The following MACF1 variants were observed in gnomAD, a reference collection of about 807,000 sequenced individuals.
The protein encoded by MACF1 is microtubule-actin cross-linking factor 1.
A neutral mutation model predicts 854.8 loss-of-function variants in MACF1; 193 were observed. The ratio of observed to expected loss-of-function variants is 0.23; its 90% CI spans 0.20 to 0.25. The LOEUF (loss-of-function observed/expected upper bound fraction) is 0.25, where lower values mean the gene tolerates loss of function less well. Among genes scored for constraint, MACF1 ranks in the 10% least tolerant of loss-of-function variants. MACF1 has a pLI of 1.00. For missense variants in MACF1, 7,722 were observed against 8,929.1 expected (o/e 0.86, Z 5.45); for synonymous variants, 3,185 against 3,226.7 (o/e 0.99, Z 0.44).
chr1:39,479,702 A>C lies in MACF1; in HGVS notation c.21959-96A>C. The C allele has an allele frequency of 4.0e-6, 4 of 995,620 alleles. No homozygotes were observed. In the South Asian group the frequency reaches 5.9e-5, roughly 15 times the overall value. The allele number at this position is 995,620 out of a possible 1,614,324, so 61.7% of individuals were successfully genotyped here. ...AGATGGTACTAAACCCATATAACTT[A>C]TATAACTGTTATCATGGGGTCAAGC... On this transcript the variant is annotated intron_variant, in intron 97 of 100. Coordinates refer to ENST00000564288, the MANE Select transcript of MACF1 (RefSeq NM_001394062.1).
At chr1:39,095,874 C>CAA (rs367925397) in intron 2 of MACF1, among the ~76,000 whole-genome samples, 1 of 140,066 alleles carries the variant, frequency 7.1e-6, no homozygotes, top group Non-Finnish European at 1.6e-5. Context: ...ATGGCTGTCT[C>CAA]AAAAAAAAAA....
intron 42 of MACF1, among the ~76,000 whole-genome samples, chr1:39,350,124 CAG>C (rs764223761): frequency 2.0e-5 from 3 of 152,136 alleles, no homozygotes; most frequent in Non-Finnish European, 2.9e-5. Context: ...GAACATATAG[CAG>C]AGAGACCCAA....
chr1:39,233,283 C>T (rs1204481743), intron 2 of MACF1, among the ~76,000 whole-genome samples: 1 of 152,214 alleles, frequency 6.6e-6, no homozygotes, highest in Non-Finnish European at 1.5e-5. Context: ...ATCCACCCAC[C>T]TAAGTCTCCC....
chr1:39,279,912 G>A (rs1005993084), intron 6 of MACF1, among the ~76,000 whole-genome samples: 14 of 151,918 alleles, frequency 9.2e-5, no homozygotes, highest in South Asian at 6.3e-4. Flanking sequence ...GTCATTACTC[G>A]AAGTCTGAAA....
At position 39,448,589 on chromosome 1, in the gene MACF1, C is replaced by T; in HGVS notation, c.20089-5C>T. On this transcript the variant is annotated splice_region_variant and splice_polypyrimidine_tract_variant and intron_variant, in intron 83 of 100. Coordinates refer to ENST00000564288, the MANE Select transcript of MACF1 (RefSeq NM_001394062.1). Reference sequence around the variant, plus strand: ...CACTTTTTTCTTTTCTTTCTGGAAACATAGGAGTTTCAGAAGACTCTTGGT... The same window carrying T: ...CACTTTTTTCTTTTCTTTCTGGAAATATAGGAGTTTCAGAAGACTCTTGGT... 1 of 1,504,656 alleles carries T rather than the reference C, an allele frequency of 6.6e-7. No individual in the cohort carries two copies. Among genetic ancestry groups the T allele is most frequent in the Non-Finnish European group, 8.9e-7 (1 of 1,122,730 alleles). 93.2% of individuals were successfully genotyped at this position (1,504,656 alleles called of 1,614,324 possible). A position where few individuals can be genotyped will look rare whatever the true frequency, so the allele number is the denominator to read the frequency against.
chr1:39,458,503 C>T lies in MACF1; in HGVS notation c.21196+13C>T, dbSNP rs765364312. 6.2e-7 allele frequency: 1 copy of T among 1,609,914 alleles called. No individual in the cohort carries two copies. The highest frequency in any genetic ancestry group is 1.1e-5 in the South Asian group (1 of 90,642). On this transcript the variant is annotated intron_variant, in intron 90 of 100. Coordinates refer to ENST00000564288, the MANE Select transcript of MACF1 (RefSeq NM_001394062.1). ...CGCAGCGGAGGCAGTATGTTTCCAG[C>T]CCCCTGTGTTAGGATGCTTCATTCC...
intron 3 of MACF1, among the ~76,000 whole-genome samples, chr1:39,251,337 C>G (rs1645038578): frequency 6.6e-6 from 1 of 152,098 alleles, no homozygotes. Context: ...TTGTGCTGGA[C>G]TTTATTCTTC....
chr1:39,368,776 A>G lies in MACF1; in HGVS notation c.12938+462A>G, dbSNP rs1477251905. 1.1e-4 allele frequency among the ~76,000 whole-genome samples: 17 copies of G among 152,292 alleles called. No individual in the cohort carries two copies. In the East Asian group the frequency reaches 3.3e-3, roughly 29 times the overall value. ...CTCCGCCTCCCAAAGTGCTGGGATT[A>G]CAGGCATGAGCCACTGCACCCAGCC... On this transcript the variant is annotated intron_variant, in intron 50 of 100. Transcript: ENST00000564288.
intron 97 of MACF1, among the ~76,000 whole-genome samples, chr1:39,475,390 G>A (rs535061573): frequency 6.6e-6 from 1 of 151,140 alleles, no homozygotes; most frequent in East Asian, 1.9e-4. Context: ...GATCACTTGA[G>A]CCTGGGAGGT....
At chr1:39,127,754 T>C (rs1642895575) in intron 2 of MACF1, among the ~76,000 whole-genome samples, 1 of 152,170 alleles carries the variant, frequency 6.6e-6, no homozygotes, top group South Asian at 2.1e-4. Context: ...ATTGTTTTCA[T>C]TGGGAAAGAG....
At chr1:39,144,150 G>A (rs1643411819) in intron 2 of MACF1, among the ~76,000 whole-genome samples, 1 of 143,430 alleles carries the variant, frequency 7.0e-6, no homozygotes, top group African/African-American at 2.6e-5. Flanking sequence ...GCACGATCTC[G>A]GCTCACTGCA....
At chr1:39,239,417 C>T (rs1451141029) in intron 2 of MACF1, among the ~76,000 whole-genome samples, 3 of 152,180 alleles carry the variant, frequency 2.0e-5, no homozygotes, top group Non-Finnish European at 4.4e-5. Flanking sequence ...TTGGGATAAG[C>T]AAATTAATTC....
chr1:39,439,012 G>A (rs564199996), intron 71 of MACF1, among the ~76,000 whole-genome samples: 5 of 151,490 alleles, frequency 3.3e-5, no homozygotes, highest in African/African-American at 1.2e-4. Context: ...GAACCTGGGA[G>A]GCAGAGGTTG....
rs1390062910 is a variant in MACF1 at position 39,439,498 on chromosome 1, G to C, written c.18445G>C (p.Glu6149Gln). The C allele has an allele frequency of 1.2e-6, 2 of 1,612,230 alleles. No homozygotes were observed. The highest frequency in any genetic ancestry group is 1.7e-6 in the Non-Finnish European group (2 of 1,178,710). The change falls in exon 72 of 101, where the codon GAG becomes CAG. Residue 6149 changes from glutamate to glutamine, a missense_variant and splice_region_variant. Physicochemically the swap from Glu to Gln is conservative, Grantham distance 29. Around this residue, in one of 15 missense-constraint regions of MACF1, gnomAD observed 2,807 missense variants for 3,235.8 expected, o/e 0.87. Transcript: ENST00000564288. ...SIIKQQVEAA[E>Q]TIKEETDGLH... The stretch of plus-strand genomic sequence containing the variant: ...CATCAAACAACAGGTTGAAGCTGCT[G>C]AGGTAAGAAGGAAACAAAACCCTTT...
At chr1:39,337,417 C>T in intron 38 of MACF1, 86 bp downstream of exon 38, 1 of 1,351,126 alleles carries the variant, frequency 7.4e-7, no homozygotes, top group Non-Finnish European at 1.0e-6. Context: ...CTTACTAGAA[C>T]CTGCTTGCAC....
At chr1:39,433,855 A>G (rs978746790) in intron 68 of MACF1, among the ~76,000 whole-genome samples, 5 of 152,308 alleles carry the variant, frequency 3.3e-5, no homozygotes, top group Admixed American at 2.6e-4. Context: ...CAAGGTGGGC[A>G]GATTACCTGA....
At position 39,447,482 on chromosome 1, in the gene MACF1, A is replaced by G. The variant is rs2148673345; in HGVS notation, c.19656A>G (p.Leu6552=). 6 of 1,614,152 alleles carry G rather than the reference A, an allele frequency of 3.7e-6. No homozygotes were observed. The highest frequency in any genetic ancestry group is 1.6e-4 in the Middle Eastern group (1 of 6,062). Reference sequence around the variant, plus strand: ...TGGCAACAGAATTCCAGAATTCCCTACAAGAATTTATCAACTGGCTCACTC... The same window carrying G: ...TGGCAACAGAATTCCAGAATTCCCTGCAAGAATTTATCAACTGGCTCACTC... The part of the protein sequence containing the change: ...LNLATEFQNS[L]QEFINWLTLA... The change falls in exon 81 of 101, where the codon CTA becomes CTG. Residue 6552 remains leucine (L), a synonymous_variant. Coordinates refer to ENST00000564288, the MANE Select transcript of MACF1 (RefSeq NM_001394062.1).
At chr1:39,301,663 G>A (rs1224663625) in intron 22 of MACF1, among the ~76,000 whole-genome samples, 2 of 151,950 alleles carry the variant, frequency 1.3e-5, no homozygotes, top group Admixed American at 6.6e-5. Context: ...CTGACCTCAT[G>A]ATCTGCCTGC....
chr1:39,474,362 C>T (rs918083470), intron 97 of MACF1, among the ~76,000 whole-genome samples: 4 of 151,846 alleles, frequency 2.6e-5, no homozygotes, highest in African/African-American at 9.7e-5. Context: ...GCACTCCGTC[C>T]TAGGCAATAG....
Sources: allele counts gnomAD v4.1 joint callset (sites outside exome capture counted in the v4.1 genomes callset), GRCh38; gene constraint gnomAD v4.1.1; regional missense constraint gnomAD v4.1.1; transcripts MANE v1.5; gene names NCBI Gene and HGNC (gene_info 2026-07-23, HGNC 2026-07-21).